Variants in HEATR5A observed in about 807,000 individuals in gnomAD.
The protein encoded by HEATR5A is HEAT repeat-containing protein 5A.
HEATR5A carries 178 observed loss-of-function variants against 218.8 expected under a neutral mutation model. That is an observed-to-expected ratio of 0.81 (90% CI 0.72 to 0.92). The LOEUF is 0.92. Among genes scored for constraint, HEATR5A ranks in the 40% least tolerant of loss-of-function variants. The pLI, the probability that HEATR5A is intolerant of heterozygous loss-of-function variation, is 0.00. For synonymous variants in HEATR5A, 864 were observed against 871.6 expected, an observed-to-expected ratio of 0.99 and a Z score of 0.15; for missense variants, 2,420 against 2,418.9, an observed-to-expected ratio of 1.00 and a Z score of -0.01.
At chr14:31,335,935 G>A (rs912219102) in intron 22 of HEATR5A, among the ~76,000 whole-genome samples, 9 of 151,084 alleles carry the variant, frequency 6.0e-5, no homozygotes, top group Admixed American at 5.3e-4. Flanking sequence ...GATTACAAGC[G>A]TGAGCCACTG....
At chr14:31,310,451 C>T (rs543720256) in intron 28 of HEATR5A, among the ~76,000 whole-genome samples, 1 of 152,266 alleles carries the variant, frequency 6.6e-6, no homozygotes, top group African/African-American at 2.4e-5. Context: ...ACCAGCCTGG[C>T]TAACATGGAG....
At chr14:31,317,294 ATTTTTTTTTTTTTTT>A (rs35394095) in intron 26 of HEATR5A, among the ~76,000 whole-genome samples, 1 of 64,120 alleles carries the variant, frequency 1.6e-5, no homozygotes, top group African/African-American at 6.4e-5. Context: ...CCCGGGCTAG[ATTTTTTTTTTTTTTT>A]TTTTTTTTTT....
At position 31,347,627 on chromosome 14, in the gene HEATR5A, C is replaced by T. The variant is rs115042477; in HGVS notation, c.2868+121G>A. ...TTTAAAAATCCACCAAGGTTAACAA[C>T]GGCTTCCACAATTACTATGGGAGGA... On this transcript the variant is annotated intron_variant, in intron 19 of 35. Coordinates refer to ENST00000543095, the MANE Select transcript of HEATR5A (RefSeq NM_015473.4). The T allele has an allele frequency of 5.1e-4, 367 of 724,026 alleles. 1 individual carries two copies. Among genetic ancestry groups the T allele is most frequent in the African/African-American group, 2.6e-3 (141 of 54,332 alleles). The allele number at this position is 724,026 out of a possible 1,614,324, so 44.9% of individuals were successfully genotyped here.
chr14:31,383,889 T>A, intron 9 of HEATR5A, 118 bp from the exon 10 acceptor site: 1 of 749,000 alleles, frequency 1.3e-6, no homozygotes, highest in East Asian at 2.8e-5. Flanking sequence ...AAAGCCACAT[T>A]ATAATAGAAA....
At chr14:31,343,404 T>C (rs1340671812) in intron 21 of HEATR5A, among the ~76,000 whole-genome samples, 1 of 152,188 alleles carries the variant, frequency 6.6e-6, no homozygotes, top group Admixed American at 6.6e-5. Flanking sequence ...ATGAACCACT[T>C]CAAAGGAACT....
chr14:31,388,304 G>GA (rs751504931), intron 7 of HEATR5A, among the ~76,000 whole-genome samples: 20 of 150,240 alleles, frequency 1.3e-4, no homozygotes, highest in African/African-American at 2.2e-4. Context: ...ACGGTGTTTA[G>GA]AAAAAAAAAG....
At chr14:31,338,106 T>C (rs1900726619) in intron 21 of HEATR5A, among the ~76,000 whole-genome samples, 1 of 152,180 alleles carries the variant, frequency 6.6e-6, no homozygotes, top group Non-Finnish European at 1.5e-5. Flanking sequence ...ACTTACTAGC[T>C]GTGTGACTGT....
intron 12 of HEATR5A, 70 bp downstream of exon 12, chr14:31,374,746 G>A (rs546804834): frequency 1.4e-6 from 2 of 1,403,484 alleles, no homozygotes; most frequent in East Asian, 2.3e-5. Flanking sequence ...AAACATACAA[G>A]TACATGTTAA....
Position 31,375,097 on chromosome 14 carries a change from A to G in HEATR5A, c.1709-129T>C. On this transcript the variant is annotated intron_variant, in intron 11 of 35. Transcript: ENST00000543095. ...ATTGCAACATTTTGTCCCCTTTCTTATCTTCAGGTTCCAAATTATTACTGA... is the reference window on the plus strand; with the variant it reads ...ATTGCAACATTTTGTCCCCTTTCTTGTCTTCAGGTTCCAAATTATTACTGA... The G allele has an allele frequency of 9.2e-6, 7 of 762,226 alleles. 1 individual carries two copies. The Middle Eastern group carries it at 1.5e-3, about 159-fold the overall frequency. 47.2% of individuals were successfully genotyped at this position (762,226 alleles called of 1,614,324 possible).
intron 13 of HEATR5A, among the ~76,000 whole-genome samples, chr14:31,371,218 C>T (rs1277126772): frequency 6.6e-6 from 1 of 152,158 alleles, no homozygotes; most frequent in South Asian, 2.1e-4. Flanking sequence ...CTATCTGGTC[C>T]TTCAGAAGAA....
intron 1 of HEATR5A, among the ~76,000 whole-genome samples, chr14:31,413,382 CTTCT>C (rs2031347396): frequency 6.8e-6 from 1 of 147,782 alleles, no homozygotes; most frequent in South Asian, 2.1e-4. Context: ...TTTACTCTGC[CTTCT>C]TTTTTTTTTT....
chr14:31,365,664 T>G (rs1401021634), intron 13 of HEATR5A, among the ~76,000 whole-genome samples: 1 of 151,716 alleles, frequency 6.6e-6, no homozygotes, highest in Non-Finnish European at 1.5e-5. Flanking sequence ...CAGCGTGTAC[T>G]TTTTTTGTTG....
At chr14:31,420,045 G>A (rs1366684527) in intron 1 of HEATR5A, 2 of 152,228 alleles carry the variant, frequency 1.3e-5, no homozygotes, top group African/African-American at 4.8e-5. Flanking sequence ...GGACGCCGCA[G>A]GGCGGGTCCC....
At chr14:31,327,379 C>T (rs541762037) in intron 22 of HEATR5A, among the ~76,000 whole-genome samples, 17 of 148,402 alleles carry the variant, frequency 1.1e-4, no homozygotes, top group East Asian at 4.1e-4. Flanking sequence ...CTGCAACCTC[C>T]GCCTCCTGAG....
chr14:31,299,030 T>A (rs1267241037), intron 33 of HEATR5A, among the ~76,000 whole-genome samples: 1 of 152,170 alleles, frequency 6.6e-6, no homozygotes, highest in African/African-American at 2.4e-5. Context: ...AATTACGTTA[T>A]CTTCTGAATC....
In HEATR5A at chr14:31,340,838, C is replaced by T. The variant is rs60644499; in HGVS notation, c.3228+3058G>A. ...GGATTGCATTCACATGAACAGGTGT[C>T]CAGCAAGAGGCAAAGTTAATGGTTT... On this transcript the variant is annotated intron_variant, in intron 21 of 35. Coordinates refer to ENST00000543095, the MANE Select transcript of HEATR5A (RefSeq NM_015473.4). 9.3e-3 allele frequency among the ~76,000 whole-genome samples: 1,420 copies of T among 152,260 alleles called. 16 individuals carry two copies. The highest frequency in any genetic ancestry group is 0.032 in the African/African-American group (1,349 of 41,536).
At position 31,295,993 on chromosome 14, in the gene HEATR5A, G is replaced by A. The variant is rs955105729; in HGVS notation, c.5535C>T (p.Thr1845=). ...LTAITVFILS[T]SPEVTTIPCL... The stretch of plus-strand genomic sequence containing the variant: ...ATGGGATGGTAGTTACTTCTGGACT[G>A]GTAGACAAAATAAACACTGTGATAG... Residue 1845 remains threonine, a synonymous_variant, in exon 34 of 36, where the codon ACC becomes ACT. Coordinates refer to ENST00000543095, the MANE Select transcript of HEATR5A (RefSeq NM_015473.4). 5.0e-6 allele frequency: 8 copies of A among 1,612,996 alleles called. No homozygotes were observed. The highest frequency in any genetic ancestry group is 1.1e-5 in the South Asian group (1 of 91,072).
chr14:31,308,506 T>TAAAA (rs34745602), intron 29 of HEATR5A, among the ~76,000 whole-genome samples: 3,624 of 125,736 alleles, frequency 0.029, 176 homozygotes, highest in African/African-American at 0.1. Context: ...AAACTCTGTC[T>TAAAA]AAAAAAAAAA....
At chr14:31,400,845 T>C (rs1027020344) in intron 2 of HEATR5A, among the ~76,000 whole-genome samples, 12 of 596 alleles carry the variant, frequency 0.02, no homozygotes, top group African/African-American at 0.019. Flanking sequence ...ATTATTATTG[T>C]TTTTTTTTTT....
Sources: allele counts gnomAD v4.1 joint callset (sites outside exome capture counted in the v4.1 genomes callset), GRCh38; gene constraint gnomAD v4.1.1; transcripts MANE v1.5; gene names NCBI Gene and HGNC (gene_info 2026-07-23, HGNC 2026-07-21).